The following ERICH2 variants were observed in gnomAD, a reference collection of about 807,000 sequenced individuals.
The protein encoded by ERICH2 is glutamate rich 2.
In ERICH2, 17 loss-of-function variants were observed where a neutral mutation model predicts 17.4. The observed-to-expected ratio is 0.98, with a 90% confidence interval of 0.67 to 1.47. The LOEUF (loss-of-function observed/expected upper bound fraction) is 1.47. Ranked by LOEUF, ERICH2 falls within the 40% of genes most tolerant of loss-of-function variation. ERICH2 has a pLI of 0.00. For synonymous variants in ERICH2, 51 were observed against 61.1 expected (o/e 0.83, Z 0.77); for missense variants, 186 against 183.2 (o/e 1.01, Z -0.09).
chr2:170,783,313 T>C (rs1701073711), upstream of ERICH2: 1 of 154,036 alleles, frequency 6.5e-6, no homozygotes, highest in Non-Finnish European at 1.4e-5. Context: ...AACTTAGCAC[T>C]TTTAGGTGGG....
the ERICH2 span, among the ~76,000 whole-genome samples, chr2:170,776,674 G>A: frequency 2.0e-5 from 3 of 152,076 alleles, no homozygotes; most frequent in Admixed American, 6.6e-5. Context: ...CACCGCGCCC[G>A]GCCTTAAAAG....
the ERICH2 span, among the ~76,000 whole-genome samples, chr2:170,774,543 T>C: frequency 2.0e-5 from 3 of 148,948 alleles, no homozygotes; most frequent in African/African-American, 7.4e-5. Flanking sequence ...AAATCTAGTC[T>C]CTTTCACTCA....
chr2:170,784,914 G>A (rs1575407114), intron 2 of ERICH2, 81 bp downstream of exon 7: 2 of 1,160,838 alleles, frequency 1.7e-6, no homozygotes, highest in East Asian at 2.8e-5. Context: ...AATCACTACT[G>A]TGAGAACTAA....
the ERICH2 span, chr2:170,777,111 T>C: frequency 3.2e-5 from 5 of 155,192 alleles, no homozygotes; most frequent in East Asian, 1.9e-4. Flanking sequence ...TATAAGTGTT[T>C]AGAGACTTAT....
upstream of ERICH2, chr2:170,782,228 G>T: frequency 1.1e-6 from 1 of 881,240 alleles, no homozygotes; most frequent in South Asian, 5.2e-5. Context: ...TTTTTTCACT[G>T]TCTAACATAT....
chr2:170,777,941 G>A, the ERICH2 span: 1 of 353,598 alleles, frequency 2.8e-6, no homozygotes, highest in Non-Finnish European at 5.0e-6. Flanking sequence ...CCTGTATTCT[G>A]TATTTTACTT....
intron 2 of ERICH2, among the ~76,000 whole-genome samples, chr2:170,788,528 G>T (rs1426071236): frequency 6.6e-6 from 1 of 151,944 alleles, no homozygotes; most frequent in East Asian, 1.9e-4. Context: ...GCTGAGTTCA[G>T]TGGCGTGATC....
At chr2:170,784,016 A>G in intron 1 of ERICH2, 1 of 1,136,506 alleles carries the variant, frequency 8.8e-7, no homozygotes, top group Non-Finnish European at 1.3e-6. Context: ...GTGTTTTCTT[A>G]ACATTGTCTT....
At chr2:170,792,867 T>C in exon 3 of ERICH2, 1 of 1,513,522 alleles carries the variant, frequency 6.6e-7, no homozygotes, top group Non-Finnish European at 8.9e-7. Context: ...TTCCAGTTTC[T>C]GAGAGCAGAA....
At chr2:170,784,653 G>T (rs1701109649) in exon 2 of ERICH2, 2 of 1,507,192 alleles carry the variant, frequency 1.3e-6, no homozygotes, top group South Asian at 2.7e-5. Flanking sequence ...TAGGTGAAGT[G>T]AGCAAAGATG....
At chr2:170,780,877 CTT>C (rs1701009943), upstream of ERICH2, among the ~76,000 whole-genome samples, 1 of 152,258 alleles carries the variant, frequency 6.6e-6, no homozygotes. Flanking sequence ...GTGTGGTGAA[CTT>C]TTACATAACA....
chr2:170,787,598 C>T (rs1216515794), intron 2 of ERICH2, among the ~76,000 whole-genome samples: 5 of 152,240 alleles, frequency 3.3e-5, no homozygotes, highest in African/African-American at 1.2e-4. Flanking sequence ...TTTCTTCACA[C>T]TCACATGCAG....
At chr2:170,798,463 T>C (rs1212102958) in intron 4 of ERICH2, among the ~76,000 whole-genome samples, 2 of 152,222 alleles carry the variant, frequency 1.3e-5, no homozygotes, top group Non-Finnish European at 2.9e-5. Flanking sequence ...CAATGGACAA[T>C]TTTACTATTG....
chr2:170,782,000 TAAAG>T (rs1701041125), upstream of ERICH2, among the ~76,000 whole-genome samples: 1 of 152,232 alleles, frequency 6.6e-6, no homozygotes, highest in African/African-American at 2.4e-5. Context: ...TGCTCTGTGT[TAAAG>T]AACTCTGAAA....
exon 5 of ERICH2, chr2:170,798,882 A>C: frequency 1.3e-6 from 2 of 1,550,632 alleles, no homozygotes; most frequent in Non-Finnish European, 1.7e-6. Context: ...ACGAAGGTGA[A>C]GATGGATCAT....
intron 2 of ERICH2, among the ~76,000 whole-genome samples, chr2:170,788,718 T>C (rs928869779): frequency 2.6e-5 from 4 of 151,858 alleles, no homozygotes; most frequent in Non-Finnish European, 5.9e-5. Flanking sequence ...ACCTTGTGAT[T>C]CACCTCCCTT....
intron 3 of ERICH2, among the ~76,000 whole-genome samples, chr2:170,795,456 T>C (rs1244985957): frequency 6.6e-6 from 1 of 152,198 alleles, no homozygotes; most frequent in Non-Finnish European, 1.5e-5. Context: ...CAAGGGATCC[T>C]ACCACCTCGG....
chr2:170,779,149 A>C (rs1700972225), upstream of ERICH2, among the ~76,000 whole-genome samples: 1 of 152,192 alleles, frequency 6.6e-6, no homozygotes, highest in Non-Finnish European at 1.5e-5. Context: ...AGTTCTAGAG[A>C]AAAATGATCA....
rs11887169 is a variant in ERICH2 at position 170,791,315 on chromosome 2, G to T, written c.217-1548G>T. 3.9e-3 allele frequency among the ~76,000 whole-genome samples: 593 copies of T among 152,168 alleles called. 5 individuals carry two copies. Among genetic ancestry groups the T allele is most frequent in the African/African-American group, 0.013 (546 of 41,512 alleles). On this transcript the variant is annotated intron_variant, in intron 2 of 4. Transcript: ENST00000409885. ...TTTAGGTTTAACATACCATGGGCAGGGGGTTAAGATAATGTCAAAATTTTA... is the reference window on the plus strand; with the variant it reads ...TTTAGGTTTAACATACCATGGGCAGTGGGTTAAGATAATGTCAAAATTTTA...
Sources: allele counts gnomAD v4.1 joint callset (sites outside exome capture counted in the v4.1 genomes callset), GRCh38; gene constraint gnomAD v4.1.1; transcripts MANE v1.5; gene names NCBI Gene and HGNC (gene_info 2026-07-23, HGNC 2026-07-21).